The following DNER variants were observed in gnomAD, a reference collection of about 807,000 sequenced individuals.
The protein encoded by DNER is delta/notch like EGF repeat containing, also known as delta and Notch-like epidermal growth factor-related receptor.
In DNER, 33 loss-of-function variants were observed where a neutral mutation model predicts 78.2. That is an observed-to-expected ratio of 0.42 (90% CI 0.32 to 0.56). The LOEUF is 0.56. Among genes scored for constraint, DNER ranks in the 20% least tolerant of loss-of-function variants. The pLI, the probability that DNER is intolerant of heterozygous loss-of-function variation, is 0.11. For synonymous variants in DNER, 417 were observed against 384.8 expected, an observed-to-expected ratio of 1.08 and a Z score of -0.98; for missense variants, 918 against 975.3, an observed-to-expected ratio of 0.94 and a Z score of 0.78.
intron 1 of DNER, among the ~76,000 whole-genome samples, chr2:229,706,007 A>T (rs936938257): frequency 2.0e-5 from 3 of 152,050 alleles, no homozygotes; most frequent in South Asian, 4.2e-4. Flanking sequence ...ATCCAGGAAG[A>T]CTCTAGAGAT....
At chr2:229,367,597 T>A (rs1574808570) in intron 11 of DNER, among the ~76,000 whole-genome samples, 1 of 151,330 alleles carries the variant, frequency 6.6e-6, no homozygotes, top group African/African-American at 2.4e-5. Context: ...TGAGACTCCA[T>A]CAAACAAAAA....
intron 11 of DNER, 36 bp from the exon 12 acceptor site, chr2:229,367,155 T>C: frequency 7.4e-6 from 12 of 1,611,762 alleles, no homozygotes; most frequent in Non-Finnish European, 9.3e-6. Context: ...TGGGTATGAG[T>C]TGTCACCTTT....
At chr2:229,691,613 C>T (rs1018927152) in intron 1 of DNER, among the ~76,000 whole-genome samples, 1 of 151,936 alleles carries the variant, frequency 6.6e-6, no homozygotes, top group East Asian at 2.0e-4. Flanking sequence ...TATAAAGGAA[C>T]CAAATCTTCT....
At chr2:229,393,461 T>G (rs915806954) in intron 10 of DNER, among the ~76,000 whole-genome samples, 1 of 151,294 alleles carries the variant, frequency 6.6e-6, no homozygotes, top group African/African-American at 2.4e-5. Context: ...AAATAGTAGA[T>G]TAGACACTGC....
chr2:229,369,144 A>G (rs993513428), intron 11 of DNER, among the ~76,000 whole-genome samples: 1 of 152,192 alleles, frequency 6.6e-6, no homozygotes, highest in Admixed American at 6.5e-5. Flanking sequence ...TTGCTGCAGC[A>G]TGAGTTAGGA....
intron 1 of DNER, among the ~76,000 whole-genome samples, chr2:229,592,379 C>T (rs1004863860): frequency 2.6e-5 from 4 of 152,126 alleles, no homozygotes; most frequent in Non-Finnish European, 4.4e-5. Flanking sequence ...ATTTCCTAAC[C>T]GGTCAACAAT....
In DNER at chr2:229,367,068, C is replaced by T. The variant is rs200069865; in HGVS notation, c.1907G>A (p.Arg636Gln). Residue 636 changes from arginine to glutamine, a missense_variant, in exon 12 of 13, where the codon CGG becomes CAG. Transcript: ENST00000341772. ...TCCAATGATGATGTAGAGGGAGTGCCGTGGCATGTTGGTGAGGCTCTCCGC... is the reference window on the plus strand; with the variant it reads ...TCCAATGATGATGTAGAGGGAGTGCTGTGGCATGTTGGTGAGGCTCTCCGC... Reference protein sequence around the residue: ...HMAESLTNMPRHSLYIIIGAL... With the variant: ...HMAESLTNMPQHSLYIIIGAL... 1.1e-5 allele frequency: 17 copies of T among 1,614,020 alleles called. No homozygotes were observed. The highest frequency in any genetic ancestry group is 1.6e-4 in the Middle Eastern group (1 of 6,062).
rs200244825 is a variant in DNER, at chr2:229,464,340, G to A, written c.1261+12800C>T. On this transcript the variant is annotated intron_variant, in intron 7 of 12. Coordinates refer to ENST00000341772, the MANE Select transcript of DNER (RefSeq NM_139072.4). ...TTTTTAAGAAAATCCATTTGAGAGA[G>A]TAAAAAATATCTTAAGGACTTTTTC... Among the ~76,000 whole-genome samples the A allele has an allele frequency of 1.4e-4, 21 of 152,238 alleles. No homozygotes were observed. In the East Asian group the frequency reaches 3.9e-3, roughly 28 times the overall value.
chr2:229,599,135 C>T (rs561232982), intron 1 of DNER, among the ~76,000 whole-genome samples: 4 of 152,088 alleles, frequency 2.6e-5, no homozygotes, highest in Non-Finnish European at 4.4e-5. Context: ...CCCAGCACGA[C>T]GCTGGCCACA....
At chr2:229,420,997 C>T (rs1388733885) in intron 8 of DNER, among the ~76,000 whole-genome samples, 3 of 152,098 alleles carry the variant, frequency 2.0e-5, no homozygotes, top group Non-Finnish European at 4.4e-5. Flanking sequence ...TTCACAATAA[C>T]CAAGAAGTAC....
In DNER at chr2:229,682,402, C is replaced by T. The variant is rs116770484; in HGVS notation, c.276+31746G>A. ...TTGCCTAGTAAGTTTGCTTCTCAAA[C>T]TGTAGCTAAATATTTCACTGAGGTT... On this transcript the variant is annotated intron_variant, in intron 1 of 12. Transcript: ENST00000341772. Among the ~76,000 whole-genome samples the T allele has an allele frequency of 1.3e-3, 205 of 152,290 alleles. 1 individual carries two copies. Among genetic ancestry groups the T allele is most frequent in the African/African-American group, 4.9e-3 (202 of 41,548 alleles).
At chr2:229,427,114 G>A (rs1281992236) in intron 8 of DNER, among the ~76,000 whole-genome samples, 9 of 152,178 alleles carry the variant, frequency 5.9e-5, no homozygotes, top group African/African-American at 2.2e-4. Flanking sequence ...TAAAGACAGA[G>A]GCTAAATTAA....
intron 1 of DNER, among the ~76,000 whole-genome samples, chr2:229,684,997 G>A (rs963088583): frequency 2.6e-5 from 4 of 152,150 alleles, no homozygotes; most frequent in Admixed American, 6.6e-5. Context: ...GAATAAATGC[G>A]ATTCTCTAAA....
rs540078336 is a variant in DNER at position 229,551,933 on chromosome 2, AAAAT to A, written c.848-4845_848-4842del. Among the ~76,000 whole-genome samples, 628 of 151,672 alleles carry A rather than the reference AAAAT, an allele frequency of 4.1e-3. 1 individual carries two copies. The highest frequency in any genetic ancestry group is 6.7e-3 in the Non-Finnish European group (453 of 68,000). On this transcript the variant is annotated intron_variant, in intron 4 of 12. Transcript: ENST00000341772. ...GTGACAGAGTGAGACTCCATCTCAA[AAAAT>A]AAATAAATAAATAAATAAATAAAAT...
intron 12 of DNER, among the ~76,000 whole-genome samples, chr2:229,366,530 A>G (rs1307149701): frequency 6.6e-6 from 1 of 152,204 alleles, no homozygotes; most frequent in Non-Finnish European, 1.5e-5. Flanking sequence ...TGACTGTTTG[A>G]AGAGCAACAG....
chr2:229,481,087 C>T (rs1380652525), intron 6 of DNER, among the ~76,000 whole-genome samples: 1 of 152,206 alleles, frequency 6.6e-6, no homozygotes, highest in African/African-American at 2.4e-5. Context: ...AGCTATGGAT[C>T]TGCAAAGCCG....
chr2:229,515,025 T>TA (rs1559154296), intron 5 of DNER, among the ~76,000 whole-genome samples: 5 of 152,174 alleles, frequency 3.3e-5, no homozygotes, highest in African/African-American at 4.8e-5. Context: ...ATAATTTTTT[T>TA]TAAAAAAATC....
rs142127364 is a variant in DNER, at chr2:229,693,588, G to T, written c.276+20560C>A. Among the ~76,000 whole-genome samples the T allele has an allele frequency of 5.4e-3, 816 of 152,264 alleles. 5 individuals are homozygous for T. Among genetic ancestry groups the T allele is most frequent in the Middle Eastern group, 0.02 (6 of 294 alleles). On this transcript the variant is annotated intron_variant, in intron 1 of 12. Coordinates refer to ENST00000341772, the MANE Select transcript of DNER (RefSeq NM_139072.4). ...ATATGGACAATGAAGTCCAGGCTGAGGTGGTCTCAGAAGGAGATGGGGAAC... is the reference window on the plus strand; with the variant it reads ...ATATGGACAATGAAGTCCAGGCTGATGTGGTCTCAGAAGGAGATGGGGAAC...
At chr2:229,642,280 T>C (rs766671934) in intron 1 of DNER, among the ~76,000 whole-genome samples, 4 of 152,164 alleles carry the variant, frequency 2.6e-5, no homozygotes, top group Admixed American at 6.5e-5. Context: ...TCCCAACAAT[T>C]ATTTTCATTT....
Sources: gnomAD v4.1 joint callset for allele counts (sites outside exome capture counted in the v4.1 genomes callset) on GRCh38, gnomAD v4.1.1 for gene constraint, MANE v1.5 for transcripts, NCBI Gene and HGNC (gene_info 2026-07-23, HGNC 2026-07-21) for gene names.